The following SP4 variants were observed in gnomAD, a reference collection of about 807,000 sequenced individuals.
SP4 encodes transcription factor Sp4.
SP4 carries 19 observed loss-of-function variants against 72.8 expected under a neutral mutation model. The ratio of observed to expected loss-of-function variants is 0.26; its 90% CI spans 0.18 to 0.38. The LOEUF (loss-of-function observed/expected upper bound fraction) is 0.38, where lower values mean the gene tolerates loss of function less well. Ranked by LOEUF, SP4 falls within the 10% of genes least tolerant of loss-of-function variation. SP4 has a pLI of 1.00. For missense variants in SP4, 1,008 were observed against 926.3 expected (o/e 1.09, Z -1.14); for synonymous variants, 395 against 333.1 (o/e 1.19, Z -2.02).
intron 3 of SP4, among the ~76,000 whole-genome samples, chr7:21,433,911 T>G (rs186319259): frequency 2.6e-5 from 4 of 151,636 alleles, no homozygotes; most frequent in Non-Finnish European, 5.9e-5. Context: ...CCATTGCACT[T>G]CAGCCTGGGC....
At chr7:21,442,090 G>A (rs1407009915) in intron 3 of SP4, among the ~76,000 whole-genome samples, 3 of 144,730 alleles carry the variant, frequency 2.1e-5, no homozygotes, top group Non-Finnish European at 4.5e-5. Flanking sequence ...CCAGGCTGGA[G>A]TGCAGTGCCA....
intron 3 of SP4, among the ~76,000 whole-genome samples, chr7:21,456,871 C>T (rs770368453): frequency 1.3e-5 from 2 of 152,200 alleles, no homozygotes; most frequent in African/African-American, 2.4e-5. Context: ...TTCCCATCCC[C>T]ACAAGCTATC....
rs148841501 is a variant in SP4 at position 21,449,647 on chromosome 7, A to G, written c.1678+18804A>G. 1.4e-4 allele frequency among the ~76,000 whole-genome samples: 21 copies of G among 152,270 alleles called. No individual in the cohort carries two copies. The East Asian group carries it at 4.1e-3, about 29-fold the overall frequency. Reference sequence around the variant, plus strand: ...TTTAAACTTGATTTGGAAGATGACAAATTCTCATCTATAAGCTCCCTTTAC... The same window carrying G: ...TTTAAACTTGATTTGGAAGATGACAGATTCTCATCTATAAGCTCCCTTTAC... On this transcript the variant is annotated intron_variant, in intron 3 of 5. Transcript: ENST00000222584.
chr7:21,447,115 G>A (rs1445510815), intron 3 of SP4, among the ~76,000 whole-genome samples: 2 of 152,138 alleles, frequency 1.3e-5, no homozygotes, highest in Non-Finnish European at 1.5e-5. Flanking sequence ...GAATGCCCTT[G>A]CCAGCGGATA....
chr7:21,441,955 A>C (rs1783258420), intron 3 of SP4, among the ~76,000 whole-genome samples: 1 of 151,536 alleles, frequency 6.6e-6, no homozygotes. Flanking sequence ...CTCTGCTTCT[A>C]GGACATGCTT....
chr7:21,476,671 A>G (rs899728829), intron 3 of SP4, among the ~76,000 whole-genome samples: 1 of 152,214 alleles, frequency 6.6e-6, no homozygotes. Flanking sequence ...TTATGATAAG[A>G]TATGTTGCTT....
In SP4 at chr7:21,511,644, A is replaced by G. The variant is rs1178300475; in HGVS notation, c.*375A>G. 1 of 174,496 alleles carries G rather than the reference A, an allele frequency of 5.7e-6. No individual in the cohort carries two copies. Among genetic ancestry groups the G allele is most frequent in the Non-Finnish European group, 1.2e-5 (1 of 80,196 alleles). 10.8% of individuals were successfully genotyped at this position (174,496 alleles called of 1,614,324 possible). On this transcript the variant is annotated 3_prime_UTR_variant, in exon 6 of 6. Coordinates refer to ENST00000222584, the MANE Select transcript of SP4 (RefSeq NM_003112.5). Reference sequence around the variant, plus strand: ...TTTTCTTTGAAAGTACTTTGTTATAAATTCAGTCAGTAATAATTTACGTGT... The same window carrying G: ...TTTTCTTTGAAAGTACTTTGTTATAGATTCAGTCAGTAATAATTTACGTGT...
At chr7:21,440,241 A>G (rs147148801) in intron 3 of SP4, among the ~76,000 whole-genome samples, 240 of 152,270 alleles carry the variant, frequency 1.6e-3, no homozygotes, top group African/African-American at 5.4e-3. Context: ...AAATAGTGAT[A>G]TTAGTTCCTA....
chr7:21,430,921 G>A (rs1782829311), intron 3 of SP4, 78 bp downstream of exon 3: 4 of 1,046,816 alleles, frequency 3.8e-6, no homozygotes, highest in South Asian at 1.5e-5. Flanking sequence ...TAATTCTAAG[G>A]TTTGACGTAG....
chr7:21,468,020 G>C (rs1310324607), intron 3 of SP4, among the ~76,000 whole-genome samples: 1 of 152,044 alleles, frequency 6.6e-6, no homozygotes, highest in African/African-American at 2.4e-5. Flanking sequence ...TTTCAAATTT[G>C]CGGATCTGTC....
intron 3 of SP4, among the ~76,000 whole-genome samples, chr7:21,451,308 C>T (rs932490885): frequency 2.0e-5 from 3 of 152,168 alleles, no homozygotes; most frequent in African/African-American, 7.2e-5. Context: ...GACTGCCTTT[C>T]CCTGTTGCTG....
chr7:21,464,976 G>A (rs868051976), intron 3 of SP4, among the ~76,000 whole-genome samples: 4 of 152,100 alleles, frequency 2.6e-5, no homozygotes, highest in South Asian at 2.1e-4. Flanking sequence ...ATGGTTCAAC[G>A]TAGAATGAGG....
chr7:21,463,569 A>G (rs182487190), intron 3 of SP4, among the ~76,000 whole-genome samples: 1 of 152,342 alleles, frequency 6.6e-6, no homozygotes, highest in African/African-American at 2.4e-5. Flanking sequence ...GTGTGTCCAC[A>G]TAACTAGGGA....
In SP4 at chr7:21,481,914, T is replaced by A; in HGVS notation, c.1908-10T>A. 2 of 1,607,930 alleles carry A rather than the reference T, an allele frequency of 1.2e-6. No homozygotes were observed. Among genetic ancestry groups the A allele is most frequent in the Non-Finnish European group, 1.7e-6 (2 of 1,174,664 alleles). ...CAGTGTAATTAATGTTCGGTTTTTGTTTTTGCTAGAGGCAGTAATGAACCA... is the reference window on the plus strand; with the variant it reads ...CAGTGTAATTAATGTTCGGTTTTTGATTTTGCTAGAGGCAGTAATGAACCA... On this transcript the variant is annotated splice_polypyrimidine_tract_variant and intron_variant, in intron 4 of 5. Coordinates refer to ENST00000222584, the MANE Select transcript of SP4 (RefSeq NM_003112.5).
intron 3 of SP4, chr7:21,471,085 C>T (rs1784328042): frequency 1.9e-6 from 1 of 534,746 alleles, no homozygotes; most frequent in Middle Eastern, 3.2e-4. Flanking sequence ...AGACACAGAA[C>T]ATTAGAGAAG....
At chr7:21,482,819 T>C in intron 5 of SP4, 1 of 890,932 alleles carries the variant, frequency 1.1e-6, no homozygotes. Flanking sequence ...GATCTGTTTG[T>C]ACATATATGT....
rs917628800 is a variant in SP4, at chr7:21,512,601, G to A, written c.*1332G>A. 7.6e-6 allele frequency: 1 copy of A among 131,916 alleles called. No homozygotes were observed. Among genetic ancestry groups the A allele is most frequent in the Non-Finnish European group, 1.6e-5 (1 of 64,092 alleles). The allele number at this position is 131,916 out of a possible 1,614,324, so 8.2% of individuals were successfully genotyped here. ...TTTTGAGATGGAGTCTCGCTCTCTT[G>A]CCCAGGCTGGAGTGCAATGGCACGA... is the stretch of plus-strand genomic sequence containing the variant. On this transcript the variant is annotated 3_prime_UTR_variant, in exon 6 of 6. Transcript: ENST00000222584.
At chr7:21,504,797 G>A (rs570952998) in intron 5 of SP4, among the ~76,000 whole-genome samples, 121 of 152,248 alleles carry the variant, frequency 7.9e-4, no homozygotes, top group African/African-American at 2.8e-3. Context: ...TACTATTAGG[G>A]CCCCAACAAA....
chr7:21,485,431 A>G (rs1784787464), intron 5 of SP4, among the ~76,000 whole-genome samples: 1 of 151,976 alleles, frequency 6.6e-6, no homozygotes, highest in African/African-American at 2.4e-5. Context: ...TCTTTGCCCC[A>G]CCCCATCCTG....
Sources: allele counts gnomAD v4.1 joint callset (sites outside exome capture counted in the v4.1 genomes callset), GRCh38; gene constraint gnomAD v4.1.1; transcripts MANE v1.5; gene names NCBI Gene and HGNC (gene_info 2026-07-23, HGNC 2026-07-21).